CCNYL1: variants seen among roughly 807,000 people sequenced by gnomAD.
The protein encoded by CCNYL1 is cyclin-Y-like protein 1.
In CCNYL1, 16 loss-of-function variants were observed where a neutral mutation model predicts 44.2. The observed-to-expected ratio is 0.36, with a 90% CI of 0.25 to 0.55. The LOEUF (loss-of-function observed/expected upper bound fraction) is 0.55, where lower values mean the gene tolerates loss of function less well. Among genes scored for constraint, CCNYL1 ranks in the 20% least tolerant of loss-of-function variants. CCNYL1 has a pLI of 0.85. For missense variants in CCNYL1, 348 were observed against 451.8 expected, an observed-to-expected ratio of 0.77 and a Z score of 2.08; for synonymous variants, 159 against 163.2, an observed-to-expected ratio of 0.97 and a Z score of 0.20.
intron 1 of CCNYL1, among the ~76,000 whole-genome samples, chr2:207,713,744 C>T (rs984087606): frequency 1.3e-5 from 2 of 152,142 alleles, no homozygotes; most frequent in Non-Finnish European, 2.9e-5. Flanking sequence ...GATGGACATG[C>T]CTTTGTAACT....
At chr2:207,715,443 A>C (rs1220837607) in intron 1 of CCNYL1, among the ~76,000 whole-genome samples, 4 of 136,372 alleles carry the variant, frequency 2.9e-5, no homozygotes, top group African/African-American at 5.7e-5. Context: ...GCAATGGCAC[A>C]AACTTGGTTC....
chr2:207,717,968 A>G (rs1007072486), intron 1 of CCNYL1, among the ~76,000 whole-genome samples: 19 of 147,252 alleles, frequency 1.3e-4, no homozygotes, highest in Non-Finnish European at 2.4e-4. Flanking sequence ...ACAGTGGCTC[A>G]ATCTTGGCTC....
rs150546266 is a variant in CCNYL1, at chr2:207,718,125, C to T, written c.220+6009C>T. ...TTCTCCGTGTTAGCCAGGATGGTCT[C>T]GATCTCCCAACCTCGTGATCCACCC... On this transcript the variant is annotated intron_variant, in intron 1 of 9. Transcript: ENST00000295414. Among the ~76,000 whole-genome samples the T allele has an allele frequency of 1.0e-3, 152 of 152,088 alleles. No homozygotes were observed. The Middle Eastern group carries it at 0.01, about 10-fold the overall frequency.
intron 8 of CCNYL1, among the ~76,000 whole-genome samples, chr2:207,749,685 G>T (rs918793451): frequency 6.6e-6 from 1 of 152,170 alleles, no homozygotes; most frequent in African/African-American, 2.4e-5. Flanking sequence ...TTAAGTCCTG[G>T]TTAGCTGATT....
At chr2:207,721,454 T>C (rs893097717) in intron 1 of CCNYL1, among the ~76,000 whole-genome samples, 1 of 152,240 alleles carries the variant, frequency 6.6e-6, no homozygotes, top group Admixed American at 6.5e-5. Flanking sequence ...AATTAACATC[T>C]GTGAAATTGA....
intron 1 of CCNYL1, 116 bp downstream of exon 1, chr2:207,712,232 G>A (rs1197030791): frequency 2.5e-6 from 2 of 810,318 alleles, no homozygotes; most frequent in African/African-American, 1.8e-5. Flanking sequence ...AGCCGGCCCC[G>A]GGACGAAGGC....
At chr2:207,716,497 AAAT>A (rs1165099762) in intron 1 of CCNYL1, among the ~76,000 whole-genome samples, 5 of 152,338 alleles carry the variant, frequency 3.3e-5, no homozygotes, top group African/African-American at 1.2e-4. Flanking sequence ...TACAGCAGTG[AAAT>A]AATGTCATAA....
intron 1 of CCNYL1, chr2:207,714,621 TAGA>T (rs1319974361): frequency 9.9e-5 from 19 of 191,788 alleles, no homozygotes; most frequent in Admixed American, 8.1e-4. Flanking sequence ...AGAGGAATAT[TAGA>T]AGCTGGCAAG....
Position 207,753,876 on chromosome 2 carries a change from C to A in CCNYL1, c.*178C>A. 5 of 505,844 alleles carry A rather than the reference C, an allele frequency of 9.9e-6. No homozygotes were observed. The highest frequency in any genetic ancestry group is 3.2e-5 in the East Asian group (1 of 31,520). The allele number at this position is 505,844 out of a possible 1,614,324, so 31.3% of individuals were successfully genotyped here. On this transcript the variant is annotated 3_prime_UTR_variant, in exon 10 of 10. Transcript: ENST00000295414. ...TCCACAGGAAAGAATGGGACCTTGT[C>A]AATGCAACAAAACACTCTTCTGTCC...
intron 7 of CCNYL1, among the ~76,000 whole-genome samples, chr2:207,745,663 T>C (rs1233291561): frequency 6.6e-6 from 1 of 152,228 alleles, no homozygotes; most frequent in Non-Finnish European, 1.5e-5. Flanking sequence ...ATGAACTTTT[T>C]TCAGGCTTGG....
intron 1 of CCNYL1, among the ~76,000 whole-genome samples, chr2:207,715,975 C>G (rs1414916265): frequency 2.0e-5 from 3 of 152,180 alleles, no homozygotes; most frequent in Non-Finnish European, 4.4e-5. Flanking sequence ...CACGCCTGGT[C>G]TCGTCAAGCT....
chr2:207,729,964 C>T (rs1275599435), intron 3 of CCNYL1, among the ~76,000 whole-genome samples: 1 of 152,062 alleles, frequency 6.6e-6, no homozygotes, highest in Non-Finnish European at 1.5e-5. Flanking sequence ...TCACCCACCT[C>T]AGCCTCCCAA....
chr2:207,739,797 G>A (rs1204844764), intron 5 of CCNYL1, among the ~76,000 whole-genome samples: 4 of 152,178 alleles, frequency 2.6e-5, no homozygotes, highest in African/African-American at 9.7e-5. Flanking sequence ...AACTGCAAGA[G>A]GCAGTAAAGA....
chr2:207,724,766 TA>T, intron 1 of CCNYL1, 33 bp from the exon 2 acceptor site: 1 of 1,477,458 alleles, frequency 6.8e-7, no homozygotes, highest in Non-Finnish European at 9.5e-7. Context: ...TCTACTCACC[TA>T]AAGTGTCACG....
intron 9 of CCNYL1, among the ~76,000 whole-genome samples, chr2:207,752,758 G>T (rs17639938): frequency 6.6e-6 from 1 of 151,764 alleles, no homozygotes; most frequent in Non-Finnish European, 1.5e-5. Flanking sequence ...GCCTGAGAGT[G>T]GCTCATGCCT....
chr2:207,717,624 C>T (rs754507319), intron 1 of CCNYL1, among the ~76,000 whole-genome samples: 3 of 152,164 alleles, frequency 2.0e-5, no homozygotes, highest in Non-Finnish European at 2.9e-5. Context: ...GCTCTCCTTA[C>T]GTGACCTGTG....
In CCNYL1 at chr2:207,715,843, A is replaced by AT. The variant is rs528172470; in HGVS notation, c.220+3733dup. On this transcript the variant is annotated intron_variant, in intron 1 of 9. Coordinates refer to ENST00000295414, the MANE Select transcript of CCNYL1 (RefSeq NM_001330218.2). ...AGGTGTGTGCCACCACGCCCAGCTAATTTTTTGTGTTTTTAGTAGAGATGG... is the reference window on the plus strand; with the variant it reads ...AGGTGTGTGCCACCACGCCCAGCTAATTTTTTTGTGTTTTTAGTAGAGATGG... Among the ~76,000 whole-genome samples, 565 of 146,020 alleles carry AT rather than the reference A, an allele frequency of 3.9e-3. 5 individuals carry two copies. The highest frequency in any genetic ancestry group is 0.011 in the Middle Eastern group (3 of 264).
intron 7 of CCNYL1, among the ~76,000 whole-genome samples, chr2:207,746,563 C>T (rs1040532244): frequency 2.0e-5 from 3 of 152,148 alleles, no homozygotes; most frequent in African/African-American, 7.2e-5. Flanking sequence ...GATATCTGAC[C>T]TACAACTGTG....
chr2:207,728,402 A>C (rs905431844), intron 3 of CCNYL1, among the ~76,000 whole-genome samples: 8 of 151,786 alleles, frequency 5.3e-5, no homozygotes, highest in African/African-American at 1.9e-4. Context: ...CAGCCTTCCG[A>C]GTAACTGGGA....
Sources: allele counts gnomAD v4.1 joint callset (sites outside exome capture counted in the v4.1 genomes callset), GRCh38; gene constraint gnomAD v4.1.1; transcripts MANE v1.5; gene names NCBI Gene and HGNC (gene_info 2026-07-23, HGNC 2026-07-21).